Variants in PCNX2 observed in about 807,000 individuals in gnomAD.
The protein encoded by PCNX2 is pecanex 2, also known as pecanex-like protein 2.
A neutral mutation model predicts 223.8 loss-of-function variants in PCNX2; 168 were observed. The ratio of observed to expected loss-of-function variants is 0.75; its 90% CI spans 0.66 to 0.85. PCNX2 has a LOEUF of 0.85. Ranked by LOEUF, PCNX2 falls within the 40% of genes least tolerant of loss-of-function variation. The pLI, the probability that PCNX2 is intolerant of heterozygous loss-of-function variation, is 0.00. For missense variants in PCNX2, 2,507 were observed against 2,675.5 expected (o/e 0.94, Z 1.39); for synonymous variants, 1,006 against 1,052.6 (o/e 0.96, Z 0.86).
rs1676131728 is a variant in PCNX2 at position 233,126,884 on chromosome 1, G to C, written c.3837+8129C>G. On this transcript the variant is annotated intron_variant, in intron 21 of 33. Coordinates refer to ENST00000258229, the MANE Select transcript of PCNX2 (RefSeq NM_014801.4). This position sits in a 1 kb window ranked among gnomAD's most constrained non-coding sequence, Gnocchi z 4.8. ...AGTTAATGACACCCCCTTTCATCTAGTCACTGAAGTATGCTGAGAGCTCTC... is the reference window on the plus strand; with the variant it reads ...AGTTAATGACACCCCCTTTCATCTACTCACTGAAGTATGCTGAGAGCTCTC... Among the ~76,000 whole-genome samples the C allele has an allele frequency of 6.6e-6, 1 of 151,726 alleles. No homozygotes were observed. Among genetic ancestry groups the C allele is most frequent in the South Asian group, 2.1e-4 (1 of 4,790 alleles).
intron 21 of PCNX2, among the ~76,000 whole-genome samples, chr1:233,124,948 C>T (rs1676014189): frequency 6.6e-6 from 1 of 152,146 alleles, no homozygotes; most frequent in Admixed American, 6.5e-5. Context: ...TCCCAAATAC[C>T]CACATTTAAA....
intron 28 of PCNX2, among the ~76,000 whole-genome samples, chr1:233,013,587 C>T (rs947856899): frequency 1.3e-5 from 2 of 152,156 alleles, no homozygotes; most frequent in Admixed American, 6.5e-5. Flanking sequence ...CCTAACGTCA[C>T]AAAACTCACT....
intron 28 of PCNX2, among the ~76,000 whole-genome samples, chr1:233,009,136 C>T (rs150493175): frequency 7.9e-5 from 12 of 152,288 alleles, no homozygotes; most frequent in African/African-American, 2.4e-4. Context: ...GCTGCAAAAT[C>T]GAGCCAATAA....
intron 13 of PCNX2, 119 bp from the exon 14 acceptor site, chr1:233,200,383 CTTTTTTTT>C: frequency 1.9e-5 from 4 of 210,442 alleles, no homozygotes; most frequent in South Asian, 1.2e-4. Context: ...TGGAGGCAAT[CTTTTTTTT>C]TTTTTTTTTT....
intron 10 of PCNX2, among the ~76,000 whole-genome samples, chr1:233,226,115 A>T (rs949036402): frequency 6.6e-6 from 1 of 152,250 alleles, no homozygotes; most frequent in African/African-American, 2.4e-5. Flanking sequence ...TGCTTATGGC[A>T]GCATTAGTAA....
intron 13 of PCNX2, among the ~76,000 whole-genome samples, chr1:233,200,883 G>T (rs1681047513): frequency 6.6e-6 from 1 of 151,462 alleles, no homozygotes; most frequent in East Asian, 2.0e-4. Context: ...AAAATTAGCT[G>T]GGCGTGGTGG....
intron 19 of PCNX2, among the ~76,000 whole-genome samples, chr1:233,144,970 C>CTT (rs71173253): frequency 1.8e-5 from 2 of 113,510 alleles, no homozygotes; most frequent in Admixed American, 8.1e-5. Context: ...TTTTTTGTTT[C>CTT]TTTTTTTTTT....
chr1:233,318,563 C>CTTTTTCTTTTTTTTTTTTTT, the PCNX2 span, among the ~76,000 whole-genome samples: 3 of 92,504 alleles, frequency 3.2e-5, no homozygotes, highest in Non-Finnish European at 6.4e-5. Context: ...TTTTCTTTTT[C>CTTTTTCTTTTTTTTTTTTTT]TTTTTTTTTT....
chr1:233,214,486 C>T (rs974613494), intron 12 of PCNX2, among the ~76,000 whole-genome samples: 14 of 152,122 alleles, frequency 9.2e-5, no homozygotes, highest in African/African-American at 2.2e-4. Context: ...TGCAGATTAC[C>T]GGGTGCTGTC....
In PCNX2 at chr1:233,292,267, C is replaced by T. The variant is rs7539655; in HGVS notation, c.153+3059G>A. Among the ~76,000 whole-genome samples, 874 of 132,600 alleles carry T rather than the reference C, an allele frequency of 6.6e-3. 19 individuals carry two copies. The highest frequency in any genetic ancestry group is 0.025 in the African/African-American group (849 of 33,922). 87.0% of individuals were successfully genotyped at this position (132,600 alleles called of 152,430 possible). On this transcript the variant is annotated intron_variant, in intron 1 of 33. Coordinates refer to ENST00000258229, the MANE Select transcript of PCNX2 (RefSeq NM_014801.4). ...TGTCACCCAGCCTGGAGTGCAGTGG[C>T]GTGATCTTGGCTCACTGCAACCTCT...
chr1:233,187,275 T>A (rs1411568021), intron 15 of PCNX2, among the ~76,000 whole-genome samples: 1 of 152,214 alleles, frequency 6.6e-6, no homozygotes, highest in Non-Finnish European at 1.5e-5. Context: ...ATTTTTCACA[T>A]AGAATTGATT....
intron 10 of PCNX2, among the ~76,000 whole-genome samples, chr1:233,224,368 C>G (rs1003562040): frequency 2.0e-5 from 3 of 152,152 alleles, no homozygotes; most frequent in African/African-American, 7.2e-5. Context: ...ACGGCAGGAA[C>G]CATGAAACTA....
intron 28 of PCNX2, among the ~76,000 whole-genome samples, chr1:233,006,865 T>C (rs1018892404): frequency 2.0e-5 from 3 of 152,124 alleles, no homozygotes; most frequent in East Asian, 1.9e-4. Flanking sequence ...TGTTTACTGA[T>C]TAGTAACAGA....
intron 25 of PCNX2, among the ~76,000 whole-genome samples, chr1:233,037,200 A>C (rs1451423890): frequency 6.6e-6 from 1 of 152,216 alleles, no homozygotes; most frequent in Non-Finnish European, 1.5e-5. Context: ...ACAGAGAAGA[A>C]CCAAAACAAC....
intron 8 of PCNX2, among the ~76,000 whole-genome samples, chr1:233,244,548 C>CA (rs1437486584): frequency 6.6e-6 from 1 of 151,848 alleles, no homozygotes; most frequent in Admixed American, 6.6e-5. Flanking sequence ...CCGTCTCTAG[C>CA]AAAAATACAA....
At chr1:233,274,817 T>A (rs757731520) in intron 1 of PCNX2, among the ~76,000 whole-genome samples, 6 of 152,092 alleles carry the variant, frequency 3.9e-5, no homozygotes, top group Non-Finnish European at 8.8e-5. Flanking sequence ...AAATGAAAAA[T>A]CTTGACATTA....
At chr1:233,160,666 C>T (rs142203097) in intron 18 of PCNX2, among the ~76,000 whole-genome samples, 1 of 152,174 alleles carries the variant, frequency 6.6e-6, no homozygotes, top group East Asian at 1.9e-4. Context: ...CAGAGGCCAA[C>T]AGAATTATGC....
intron 13 of PCNX2, among the ~76,000 whole-genome samples, chr1:233,207,781 G>A (rs920254489): frequency 6.6e-6 from 1 of 152,058 alleles, no homozygotes; most frequent in Non-Finnish European, 1.5e-5. Context: ...TAAACAGAGC[G>A]TTTTATATAA....
intron 7 of PCNX2, 36 bp from the exon 8 acceptor site, chr1:233,250,868 A>G (rs761067543): frequency 6.5e-7 from 1 of 1,532,318 alleles, no homozygotes; most frequent in Admixed American, 2.0e-5. Flanking sequence ...AGAATATGAC[A>G]TAATTATTCA....
Sources: gnomAD v4.1 joint callset for allele counts (sites outside exome capture counted in the v4.1 genomes callset) on GRCh38, gnomAD v4.1.1 for gene constraint, Gnocchi (gnomAD v3.1) non-coding constraint, MANE v1.5 for transcripts, NCBI Gene and HGNC (gene_info 2026-07-23, HGNC 2026-07-21) for gene names.